Variants in SPDYE5 observed in about 807,000 individuals in gnomAD.
The protein encoded by SPDYE5 is speedy/RINGO cell cycle regulator family member E5, also known as speedy protein E5.
A neutral mutation model predicts 48.5 loss-of-function variants in SPDYE5; 15 were observed. The ratio of observed to expected loss-of-function variants is 0.31; its 90% CI spans 0.21 to 0.48. The LOEUF (loss-of-function observed/expected upper bound fraction) is 0.48, where lower values mean the gene tolerates loss of function less well. SPDYE5 is among the 20% of genes least tolerant of loss of function. SPDYE5 has a pLI of 0.99. For missense variants in SPDYE5, 331 were observed against 549.1 expected, an observed-to-expected ratio of 0.60 and a Z score of 3.97; for synonymous variants, 116 against 200.7, an observed-to-expected ratio of 0.58 and a Z score of 3.57.
rs1380567386 is a variant in SPDYE5 at position 75,504,008 on chromosome 7, C to T, written c.*1221C>T. The T allele has an allele frequency of 2.6e-5, 4 of 151,882 alleles. No individual in the cohort carries two copies. The highest frequency in any genetic ancestry group is 4.1e-4 in the South Asian group (2 of 4,822). The allele number at this position is 151,882 out of a possible 1,614,324, so 9.4% of individuals were successfully genotyped here. A position where few individuals can be genotyped will look rare whatever the true frequency, so the allele number is the denominator to read the frequency against. On this transcript the variant is annotated 3_prime_UTR_variant, in exon 9 of 9. Coordinates refer to ENST00000625065, the MANE Select transcript of SPDYE5 (RefSeq NM_001306141.4). ...TTCAATCTTTGTATCTATTATTACA[C>T]GTGTTGCTGAAGGGAGCATGGTTTT...
intron 8 of SPDYE5, among the ~76,000 whole-genome samples, chr7:75,502,202 G>A (rs1215746000): frequency 6.7e-6 from 1 of 149,904 alleles, no homozygotes. Flanking sequence ...GGTCGGGGCT[G>A]CACGGAGCCC....
At chr7:75,501,001 T>C (rs3973242) in intron 6 of SPDYE5, among the ~76,000 whole-genome samples, 139,930 of 150,172 alleles carry the variant, frequency 0.93, 65,276 homozygotes, top group African/African-American at 0.98. Flanking sequence ...AGCCACCGCG[T>C]CTGGCATATT....
At chr7:75,496,647 A>C (rs782502743) in intron 3 of SPDYE5, 27 bp from the exon 4 acceptor site, 1 of 1,597,564 alleles carries the variant, frequency 6.3e-7, no homozygotes, top group Non-Finnish European at 8.5e-7. Context: ...CAGAAGCATT[A>C]CACCATGGCC....
intron 3 of SPDYE5, among the ~76,000 whole-genome samples, chr7:75,495,846 C>G (rs1382184855): frequency 6.6e-6 from 1 of 151,968 alleles, no homozygotes; most frequent in African/African-American, 2.4e-5. Flanking sequence ...TCGAGACCAA[C>G]CAGACCAATA....
At chr7:75,499,089 T>C (rs1793048106) in intron 5 of SPDYE5, 142 bp from the exon 6 acceptor site, 1 of 1,110,858 alleles carries the variant, frequency 9.0e-7, no homozygotes, top group Non-Finnish European at 1.4e-6. Context: ...CATCCCGCAA[T>C]TTCCAAATGA....
chr7:75,494,205 C>T lies in SPDYE5; in HGVS notation c.158C>T (p.Ser53Leu), dbSNP rs1792839651. 1.3e-6 allele frequency: 2 copies of T among 1,534,622 alleles called. No individual in the cohort carries two copies. The highest frequency in any genetic ancestry group is 1.2e-5 in the South Asian group (1 of 83,952). The part of the protein sequence containing the change: ...EVVDDEVLGP[S>L]APGVDPSPPC... ...GTGGATGATGAAGTGTTGGGACCAT[C>T]AGGTGAGGGGACTGGTGGAAGAAGA... Residue 53 changes from serine to leucine, a missense_variant and splice_region_variant, in exon 2 of 9, where the codon TCA becomes TTA. Coordinates refer to ENST00000625065, the MANE Select transcript of SPDYE5 (RefSeq NM_001306141.4).
At chr7:75,498,213 C>T (rs1473508083) in intron 5 of SPDYE5, among the ~76,000 whole-genome samples, 1 of 148,224 alleles carries the variant, frequency 6.7e-6, no homozygotes, top group Non-Finnish European at 1.5e-5. Context: ...CAGCCGATGC[C>T]TCCCGGGTTC....
In SPDYE5 at chr7:75,502,853, T is replaced by C. The variant is rs587696807; in HGVS notation, c.*66T>C. The C allele has an allele frequency of 1.6e-4, 159 of 978,886 alleles. 2 individuals are homozygous for C. The South Asian group carries it at 1.9e-3, about 11-fold the overall frequency. 60.6% of individuals were successfully genotyped at this position (978,886 alleles called of 1,614,324 possible). A position where few individuals can be genotyped will look rare whatever the true frequency, so the allele number is the denominator to read the frequency against. ...TCCAGAACACCGGACCCAGGGGAGA[T>C]GTGGATTTTCAGCAGGAACTTTATT... On this transcript the variant is annotated 3_prime_UTR_variant, in exon 9 of 9. Coordinates refer to ENST00000625065, the MANE Select transcript of SPDYE5 (RefSeq NM_001306141.4).
intron 4 of SPDYE5, among the ~76,000 whole-genome samples, chr7:75,497,148 T>A (rs1189913070): frequency 6.6e-6 from 1 of 152,130 alleles, no homozygotes; most frequent in Non-Finnish European, 1.5e-5. Context: ...GGCTCCTGCC[T>A]GAGATCCCAG....
In SPDYE5 at chr7:75,503,223, T is replaced by A. The variant is rs782748707; in HGVS notation, c.*436T>A. 55 of 339,574 alleles carry A rather than the reference T, an allele frequency of 1.6e-4. No individual in the cohort carries two copies. In the Admixed American group the frequency reaches 2.0e-3, roughly 12 times the overall value. The allele number at this position is 339,574 out of a possible 1,614,324, so 21.0% of individuals were successfully genotyped here. On this transcript the variant is annotated 3_prime_UTR_variant, in exon 9 of 9. Transcript: ENST00000625065. The stretch of plus-strand genomic sequence containing the variant: ...ATGCAGGGGCTCAGATTGGCACAGA[T>A]TTCTTCTGTGAAATATCAGTGCCAC...
intron 3 of SPDYE5, 71 bp downstream of exon 3, chr7:75,495,445 C>T (rs2116599827): frequency 6.3e-7 from 1 of 1,577,976 alleles, no homozygotes; most frequent in Non-Finnish European, 8.5e-7. Context: ...AATAACCACA[C>T]TTTTCCAATG....
intron 3 of SPDYE5, 56 bp from the exon 4 acceptor site, chr7:75,496,618 G>A: frequency 6.3e-7 from 1 of 1,597,178 alleles, no homozygotes; most frequent in Non-Finnish European, 8.5e-7. Flanking sequence ...TTTGGGTTGG[G>A]CTCTAGTGTG....
At chr7:75,500,731 T>TA (rs1430956861) in intron 6 of SPDYE5, among the ~76,000 whole-genome samples, 1 of 151,898 alleles carries the variant, frequency 6.6e-6, no homozygotes, top group Non-Finnish European at 1.5e-5. Context: ...ATTATTGAGA[T>TA]AGAGTCTTGC....
chr7:75,492,646 C>T (rs1554481905), intron 1 of SPDYE5, among the ~76,000 whole-genome samples: 1 of 152,060 alleles, frequency 6.6e-6, no homozygotes. Context: ...ACCATGTTGT[C>T]CAAGCTGGTC....
At chr7:75,499,651 C>T (rs782662545) in intron 6 of SPDYE5, among the ~76,000 whole-genome samples, 9 of 151,068 alleles carry the variant, frequency 6.0e-5, no homozygotes, top group Non-Finnish European at 1.0e-4. Context: ...TCTGTAATCC[C>T]AGCTACTCGA....
rs587709267 is a variant in SPDYE5 at position 75,495,190 on chromosome 7, C to T, written c.195C>T (p.Ser65=). ...PGVDPSPPCR[S]LGWKRKREWS... ...TAGATCCCAGCCCCCCATGTAGGTC[C>T]CTTGGCTGGAAAAGGAAGAGGGAGT... The change falls in exon 3 of 9, where the codon TCC becomes TCT. Residue 65 remains serine, a synonymous_variant. Transcript: ENST00000625065. 1 of 1,597,338 alleles carries T rather than the reference C, an allele frequency of 6.3e-7. No individual in the cohort carries two copies. The highest frequency in any genetic ancestry group is 1.3e-5 in the African/African-American group (1 of 74,854).
At position 75,493,692 on chromosome 7, in the gene SPDYE5, A is replaced by C; in HGVS notation, c.-356A>C. 1 of 1,367,172 alleles carries C rather than the reference A, an allele frequency of 7.3e-7. No individual in the cohort carries two copies. The highest frequency in any genetic ancestry group is 9.4e-7 in the Non-Finnish European group (1 of 1,067,082). The allele number at this position is 1,367,172 out of a possible 1,614,324, so 84.7% of individuals were successfully genotyped here. A position where few individuals can be genotyped will look rare whatever the true frequency, so the allele number is the denominator to read the frequency against. On this transcript the variant is annotated 5_prime_UTR_variant, in exon 2 of 9. Transcript: ENST00000625065. ...CCAACATGCTTCAGGCTTTGAGTGG[A>C]GAGGACACAGCCTCTGCTGGGACAG...
intron 3 of SPDYE5, among the ~76,000 whole-genome samples, chr7:75,496,437 GC>G (rs1196538725): frequency 1.5e-5 from 2 of 130,614 alleles, no homozygotes; most frequent in Non-Finnish European, 3.2e-5. Flanking sequence ...GACTCAGAGA[GC>G]CAGGGACCAG....
rs1793242868 is a variant in SPDYE5 at position 75,504,100 on chromosome 7, G to A, written c.*1313G>A. ...TATGTAGTAGTTCCCCTAAATTCTTGTAAAAATAAATTTTTATTTGATATT... is the reference window on the plus strand; with the variant it reads ...TATGTAGTAGTTCCCCTAAATTCTTATAAAAATAAATTTTTATTTGATATT... On this transcript the variant is annotated 3_prime_UTR_variant, in exon 9 of 9. Transcript: ENST00000625065. The A allele has an allele frequency of 6.6e-6, 1 of 151,922 alleles. No individual in the cohort carries two copies. The highest frequency in any genetic ancestry group is 6.6e-5 in the Admixed American group (1 of 15,226). 9.4% of individuals were successfully genotyped at this position (151,922 alleles called of 1,614,324 possible).
Sources: allele counts gnomAD v4.1 joint callset (sites outside exome capture counted in the v4.1 genomes callset), GRCh38; gene constraint gnomAD v4.1.1; transcripts MANE v1.5; gene names NCBI Gene and HGNC (gene_info 2026-07-23, HGNC 2026-07-21).